The following CNTNAP1 variants were observed in gnomAD, a reference collection of about 807,000 sequenced individuals.
The protein encoded by CNTNAP1 is contactin associated protein 1, also known as contactin-associated protein 1.
CNTNAP1 carries 80 observed loss-of-function variants against 161.5 expected under a neutral mutation model. That is an observed-to-expected ratio of 0.50 (90% CI 0.41 to 0.60). CNTNAP1 has a LOEUF of 0.60. Among genes scored for constraint, CNTNAP1 ranks in the 20% least tolerant of loss-of-function variants. The probability of loss-of-function intolerance (pLI) is 0.00; values close to 1 mark genes in which losing one functional copy is unlikely to be tolerated. For synonymous variants in CNTNAP1, 695 were observed against 733.1 expected (o/e 0.95, Z 0.84); for missense variants, 1,464 against 1,854.8 (o/e 0.79, Z 3.87).
chr17:42,690,089 T>G lies in CNTNAP1; in HGVS notation c.1737T>G (p.Pro579=), dbSNP rs749789420. ...TTGTCTCAACCTATTATCTGCCAGC[T>G]TTGTATAAGGAATCCTGTGAGGCTT... is the stretch of plus-strand genomic sequence containing the variant. ...TGYKGETCHT[P]LYKESCEAYR... is the part of the protein sequence containing the mutation. The change falls in exon 12 of 24, where the codon CCT becomes CCG. Residue 579 remains proline (P), a splice_region_variant and synonymous_variant. Transcript: ENST00000264638. 1 of 1,613,280 alleles carries G rather than the reference T, an allele frequency of 6.2e-7. No individual in the cohort carries two copies. Among genetic ancestry groups the G allele is most frequent in the East Asian group, 2.2e-5 (1 of 44,836 alleles).
At chr17:42,683,330 C>T in intron 1 of CNTNAP1, 2 of 1,089,440 alleles carry the variant, frequency 1.8e-6, no homozygotes, top group South Asian at 2.7e-5. Context: ...GGGATCCAAG[C>T]AGGAGCTGGT....
chr17:42,695,444 G>C, intron 18 of CNTNAP1, 77 bp from the exon 19 acceptor site: 2 of 1,147,854 alleles, frequency 1.7e-6, no homozygotes, highest in East Asian at 2.4e-5. Flanking sequence ...CTCAGGATGT[G>C]TGTATGGATG....
At chr17:42,686,239 G>GA in intron 6 of CNTNAP1, 98 bp downstream of exon 6, 1 of 1,245,444 alleles carries the variant, frequency 8.0e-7, no homozygotes, top group Non-Finnish European at 1.2e-6. Flanking sequence ...GTCTCTCAGA[G>GA]GAAAGACCTG....
rs925492530 is a variant in CNTNAP1 at position 42,687,555 on chromosome 17, T to C, written c.1045-165T>C. The C allele has an allele frequency of 2.9e-5, 26 of 909,530 alleles. 1 individual carries two copies. In the South Asian group the frequency reaches 4.0e-4, roughly 14 times the overall value. 56.3% of individuals were successfully genotyped at this position (909,530 alleles called of 1,614,324 possible). A position where few individuals can be genotyped will look rare whatever the true frequency, so the allele number is the denominator to read the frequency against. ...ACTGGGTTGGGGCCCCCTCCACAGA[T>C]GGACGAGCTTGGAGGGGAAGAGGTC... On this transcript the variant is annotated intron_variant, in intron 7 of 23. Transcript: ENST00000264638. This position sits in a 1 kb window ranked among gnomAD's most constrained non-coding sequence, Gnocchi z 4.7.
rs1312728814 is a variant in CNTNAP1 at position 42,687,301 on chromosome 17, G to A, written c.1044+255G>A. The A allele has an allele frequency of 5.6e-6, 3 of 537,980 alleles. No homozygotes were observed. The highest frequency in any genetic ancestry group is 1.9e-5 in the African/African-American group (1 of 53,020). The allele number at this position is 537,980 out of a possible 1,614,324, so 33.3% of individuals were successfully genotyped here. ...AGAAAGTAAGGCGCAGACACAGGGAGTGGCTTGTCCAGGGGTCGTGCAGCT... is the reference window on the plus strand; with the variant it reads ...AGAAAGTAAGGCGCAGACACAGGGAATGGCTTGTCCAGGGGTCGTGCAGCT... On this transcript the variant is annotated intron_variant, in intron 7 of 23. Coordinates refer to ENST00000264638, the MANE Select transcript of CNTNAP1 (RefSeq NM_003632.3). This position sits in a 1 kb window ranked among gnomAD's most constrained non-coding sequence, Gnocchi z 4.7.
intron 16 of CNTNAP1, 29 bp from the exon 17 acceptor site, chr17:42,692,470 T>C: frequency 6.3e-7 from 1 of 1,590,828 alleles, no homozygotes; most frequent in East Asian, 2.2e-5. Flanking sequence ...TGAGTCCTTT[T>C]CTCCCCTACC....
chr17:42,694,309 T>C (rs967197013), intron 18 of CNTNAP1, among the ~76,000 whole-genome samples: 1 of 150,988 alleles, frequency 6.6e-6, no homozygotes, highest in Non-Finnish European at 1.5e-5. Context: ...GTAGCTGGGA[T>C]TACAAGTGTG....
chr17:42,693,235 A>C (rs2053113170), intron 17 of CNTNAP1, 62 bp from the exon 18 acceptor site: 5 of 1,597,010 alleles, frequency 3.1e-6, no homozygotes, highest in African/African-American at 1.3e-5. Context: ...CTGGGATTAC[A>C]GGCGTGAGCC....
At chr17:42,688,098 C>T (rs1234378199) in intron 8 of CNTNAP1, 117 bp downstream of exon 8, 2 of 1,431,332 alleles carry the variant, frequency 1.4e-6, no homozygotes, top group Non-Finnish European at 1.9e-6. Flanking sequence ...GTGAAGGGGG[C>T]AGGGCAGGAG....
intron 12 of CNTNAP1, 60 bp downstream of exon 12, chr17:42,690,267 G>A: frequency 6.3e-7 from 1 of 1,596,988 alleles, no homozygotes; most frequent in South Asian, 1.1e-5. Flanking sequence ...ATAGAGTGGT[G>A]GGTGGGGGCC....
chr17:42,682,567 G>C lies in CNTNAP1; in HGVS notation c.-263G>C. 1.9e-6 allele frequency: 1 copy of C among 514,984 alleles called. No individual in the cohort carries two copies. The allele number at this position is 514,984 out of a possible 1,614,324, so 31.9% of individuals were successfully genotyped here. ...GTGCCAGGAGACAGAGGCTGGGGAA[G>C]GGGGGAGGTGAGAGGAAAGAGGGTG... On this transcript the variant is annotated 5_prime_UTR_variant, in exon 1 of 24. Coordinates refer to ENST00000264638, the MANE Select transcript of CNTNAP1 (RefSeq NM_003632.3).
intron 6 of CNTNAP1, among the ~76,000 whole-genome samples, chr17:42,686,374 A>AT (rs1284409906): frequency 6.7e-6 from 1 of 150,356 alleles, no homozygotes; most frequent in Non-Finnish European, 1.5e-5. Flanking sequence ...TCCTACCTCT[A>AT]TTTAAAAAAA....
chr17:42,692,408 G>A (rs771587733), intron 16 of CNTNAP1, 91 bp from the exon 17 acceptor site: 1 of 1,066,352 alleles, frequency 9.4e-7, no homozygotes, highest in Non-Finnish European at 1.4e-6. Context: ...CTCCAAAGAG[G>A]TGAGGGAAAG....
chr17:42,692,259 T>C (rs1341707089), intron 16 of CNTNAP1, among the ~76,000 whole-genome samples: 1 of 152,198 alleles, frequency 6.6e-6, no homozygotes, highest in African/African-American at 2.4e-5. Context: ...TGATTAGCCA[T>C]GCTTCTAGCC....
chr17:42,682,647 AG>A lies in CNTNAP1; in HGVS notation c.-182del. The stretch of plus-strand genomic sequence containing the variant: ...AGGACCAGGAACCAGAGAGAGAGAG[AG>A]AGAAAAGAGAGAGGAGAGACAGAGC... On this transcript the variant is annotated 5_prime_UTR_variant, in exon 1 of 24. Transcript: ENST00000264638. 3 of 615,242 alleles carry A rather than the reference AG, an allele frequency of 4.9e-6. No individual in the cohort carries two copies. Among genetic ancestry groups the A allele is most frequent in the Admixed American group, 5.3e-5 (2 of 37,934 alleles). 38.1% of individuals were successfully genotyped at this position (615,242 alleles called of 1,614,324 possible). A position where few individuals can be genotyped will look rare whatever the true frequency, so the allele number is the denominator to read the frequency against.
chr17:42,686,476 T>G (rs11654666), intron 6 of CNTNAP1, among the ~76,000 whole-genome samples: 6 of 116,954 alleles, frequency 5.1e-5, no homozygotes, highest in Admixed American at 8.4e-5. Flanking sequence ...CCTGTTTTTT[T>G]TTTTTTTTTT....
intron 12 of CNTNAP1, 21 bp downstream of exon 12, chr17:42,690,228 G>A: frequency 6.2e-7 from 1 of 1,613,330 alleles, no homozygotes. Flanking sequence ...CTGTTGGGTG[G>A]TGAGGGGGTG....
chr17:42,695,795 C>T lies in CNTNAP1; in HGVS notation c.3267C>T (p.Ser1089=), dbSNP rs369832276. 1.8e-5 allele frequency: 29 copies of T among 1,614,104 alleles called. No homozygotes were observed. Among genetic ancestry groups the T allele is most frequent in the Non-Finnish European group, 2.5e-5 (29 of 1,180,052 alleles). ...VTGEEVSFSF[S]TSSAPAVLLY... ...GAGAGGAGGTCTCCTTCAGCTTCAG[C>T]ACCAGCTCCGCCCCTGCTGTCCTGC... Residue 1089 remains serine (S), a synonymous_variant, in exon 19 of 24, where the codon AGC becomes AGT. Transcript: ENST00000264638.
chr17:42,698,523 C>T, intron 23 of CNTNAP1, 95 bp from the exon 24 acceptor site: 2 of 1,092,730 alleles, frequency 1.8e-6, no homozygotes, highest in East Asian at 2.4e-5. Flanking sequence ...CAGGTGAAAT[C>T]TCAAAGAGTG....
Sources: gnomAD v4.1 joint callset for allele counts (sites outside exome capture counted in the v4.1 genomes callset) on GRCh38, gnomAD v4.1.1 for gene constraint, Gnocchi (gnomAD v3.1) non-coding constraint, MANE v1.5 for transcripts, NCBI Gene and HGNC (gene_info 2026-07-23, HGNC 2026-07-21) for gene names.